KAZN: variants seen among roughly 807,000 people sequenced by gnomAD.
KAZN encodes kazrin, periplakin interacting protein.
A neutral mutation model predicts 87.4 loss-of-function variants in KAZN; 40 were observed. That is an observed-to-expected ratio of 0.46 (90% CI 0.36 to 0.60). The LOEUF (loss-of-function observed/expected upper bound fraction) is 0.60, where lower values mean the gene tolerates loss of function less well. Among genes scored for constraint, KAZN ranks in the 20% least tolerant of loss-of-function variants. KAZN has a pLI of 0.00. For missense variants in KAZN, 898 were observed against 1,073.9 expected (o/e 0.84, Z 2.29); for synonymous variants, 466 against 458.3 (o/e 1.02, Z -0.22).
intron 2 of KAZN, among the ~76,000 whole-genome samples, chr1:14,500,647 G>A (rs923654125): frequency 1.3e-5 from 2 of 151,854 alleles, no homozygotes; most frequent in Admixed American, 6.6e-5. Flanking sequence ...AGAGAAAATC[G>A]AAGAAACCAA....
intron 1 of KAZN, among the ~76,000 whole-genome samples, chr1:13,956,223 T>C (rs1489898132): frequency 6.6e-6 from 1 of 152,206 alleles, no homozygotes; most frequent in African/African-American, 2.4e-5. Flanking sequence ...AGTCTTCAAG[T>C]TGAGTCTTCC....
At chr1:14,241,112 A>G (rs1436896617) in intron 2 of KAZN, among the ~76,000 whole-genome samples, 1 of 152,266 alleles carries the variant, frequency 6.6e-6, no homozygotes, top group African/African-American at 2.4e-5. Context: ...GAGGCTACAG[A>G]GGACATTGGG....
intron 2 of KAZN, among the ~76,000 whole-genome samples, chr1:14,961,492 A>T (rs1055137400): frequency 2.0e-5 from 3 of 152,146 alleles, no homozygotes; most frequent in African/African-American, 7.2e-5. Flanking sequence ...AGGGACCCAC[A>T]TCCCTCTCTC....
intron 1 of KAZN, among the ~76,000 whole-genome samples, chr1:14,801,599 G>A (rs1479291080): frequency 6.6e-6 from 1 of 152,162 alleles, no homozygotes; most frequent in Non-Finnish European, 1.5e-5. Context: ...GGGCTATGAC[G>A]GCCTGGCCTG....
intron 8 of KAZN, among the ~76,000 whole-genome samples, chr1:15,075,154 A>G (rs1639681053): frequency 6.6e-6 from 1 of 152,084 alleles, no homozygotes; most frequent in South Asian, 2.1e-4. Context: ...CTCCCCTCAT[A>G]TTGCAGATGG....
At chr1:14,567,956 T>A (rs560699389) in intron 2 of KAZN, among the ~76,000 whole-genome samples, 7 of 152,232 alleles carry the variant, frequency 4.6e-5, no homozygotes, top group Non-Finnish European at 8.8e-5. Flanking sequence ...CGCTTCAGTA[T>A]GACAAAGACT....
At chr1:14,895,036 C>T (rs946802714) in intron 1 of KAZN, among the ~76,000 whole-genome samples, 2 of 152,270 alleles carry the variant, frequency 1.3e-5, no homozygotes, top group African/African-American at 4.8e-5. Flanking sequence ...CTCTGCCCAG[C>T]AGCACTCAAG....
At chr1:14,731,266 G>A (rs536497997) in intron 1 of KAZN, among the ~76,000 whole-genome samples, 4 of 152,206 alleles carry the variant, frequency 2.6e-5, no homozygotes, top group Non-Finnish European at 5.9e-5. Flanking sequence ...AGCCTTAATC[G>A]TGCAGCACCC....
At chr1:14,718,243 A>C (rs896068853) in intron 1 of KAZN, among the ~76,000 whole-genome samples, 4 of 152,218 alleles carry the variant, frequency 2.6e-5, no homozygotes, top group Non-Finnish European at 4.4e-5. Flanking sequence ...ATTTCCGTTA[A>C]GTGCCCATCT....
chr1:13,914,030 A>G (rs1470583855), intron 1 of KAZN, among the ~76,000 whole-genome samples: 1 of 152,224 alleles, frequency 6.6e-6, no homozygotes, highest in Non-Finnish European at 1.5e-5. Flanking sequence ...TCCGAGTTTC[A>G]GCGCATTCTG....
intron 1 of KAZN, among the ~76,000 whole-genome samples, chr1:14,112,289 GT>G (rs1644517031): frequency 7.5e-6 from 1 of 133,956 alleles, no homozygotes; most frequent in Non-Finnish European, 1.6e-5. Context: ...CTGATCTGGT[GT>G]GTTCATTCGT....
intron 2 of KAZN, among the ~76,000 whole-genome samples, chr1:14,999,517 T>TCCC (rs1557701638): frequency 1.4e-4 from 11 of 80,988 alleles, no homozygotes; most frequent in African/African-American, 4.0e-4. Flanking sequence ...CGCCCCGCCA[T>TCCC]CCAGACCTTG....
At chr1:14,496,638 C>G (rs1476212619) in intron 2 of KAZN, among the ~76,000 whole-genome samples, 1 of 152,108 alleles carries the variant, frequency 6.6e-6, no homozygotes, top group Middle Eastern at 3.4e-3. Flanking sequence ...AAAATAGAAG[C>G]CTAATTTTTG....
chr1:13,958,878 G>T (rs989444610), intron 1 of KAZN, among the ~76,000 whole-genome samples: 3 of 152,168 alleles, frequency 2.0e-5, no homozygotes, highest in Non-Finnish European at 4.4e-5. Flanking sequence ...GAGCTAGGCT[G>T]CTCAGGTCCT....
At chr1:14,859,444 A>G (rs1406004748) in intron 1 of KAZN, among the ~76,000 whole-genome samples, 1 of 152,200 alleles carries the variant, frequency 6.6e-6, no homozygotes, top group Non-Finnish European at 1.5e-5. Context: ...CCTGAGGTCC[A>G]GGCTCTTAAC....
At chr1:15,028,644 C>G (rs1278485894) in intron 2 of KAZN, among the ~76,000 whole-genome samples, 1 of 152,210 alleles carries the variant, frequency 6.6e-6, no homozygotes, top group Non-Finnish European at 1.5e-5. Context: ...GATGTCGCCT[C>G]CTTGTGTACA....
chr1:14,288,115 A>C (rs930977540), intron 2 of KAZN, among the ~76,000 whole-genome samples: 1 of 152,238 alleles, frequency 6.6e-6, no homozygotes, highest in African/African-American at 2.4e-5. Flanking sequence ...ATCGATGTTC[A>C]TCAGGGATAT....
rs567288492 is a variant in KAZN at position 14,462,170 on chromosome 1, G to T, written c.250-136813G>T. On this transcript the variant is annotated intron_variant, in intron 2 of 16. Coordinates refer to the KAZN transcript ENST00000636203. Reference sequence around the variant, plus strand: ...CCCACAGTTTCACAAAATGCTAAATGGCTGTGCTCTTTCACTCTTTGTAAG... The same window carrying T: ...CCCACAGTTTCACAAAATGCTAAATTGCTGTGCTCTTTCACTCTTTGTAAG... Among the ~76,000 whole-genome samples, 319 of 151,632 alleles carry T rather than the reference G, an allele frequency of 2.1e-3. 1 individual carries two copies. The highest frequency in any genetic ancestry group is 7.4e-3 in the African/African-American group (306 of 41,362).
chr1:15,100,344 T>C (rs868350678), intron 10 of KAZN, among the ~76,000 whole-genome samples: 3 of 152,134 alleles, frequency 2.0e-5, no homozygotes, highest in Non-Finnish European at 4.4e-5. Context: ...GAGGGTGGCA[T>C]GACAAGCTGT....
Sources: allele counts gnomAD v4.1 joint callset (sites outside exome capture counted in the v4.1 genomes callset), GRCh38; gene constraint gnomAD v4.1.1; transcripts MANE v1.5; gene names NCBI Gene and HGNC (gene_info 2026-07-23, HGNC 2026-07-21).